The following JMJD1C variants were observed in gnomAD, a reference collection of about 807,000 sequenced individuals.
JMJD1C encodes jumonji domain-containing protein 1C.
Under a neutral mutation model 245.3 loss-of-function variants are expected in JMJD1C, and 31 were observed. The observed-to-expected ratio is 0.13, with a 90% confidence interval of 0.09 to 0.17. The LOEUF (loss-of-function observed/expected upper bound fraction) is 0.17. Ranked by LOEUF, JMJD1C falls within the 10% of genes least tolerant of loss-of-function variation. The pLI, the probability that JMJD1C is intolerant of heterozygous loss-of-function variation, is 1.00. For synonymous variants in JMJD1C, 1,057 were observed against 1,017.4 expected (o/e 1.04, Z -0.74); for missense variants, 2,691 against 3,000.2 (o/e 0.90, Z 2.41).
chr10:63,380,132 T>A, intron 2 of JMJD1C, 186 bp downstream of exon 2: 2 of 477,260 alleles, frequency 4.2e-6, no homozygotes, highest in South Asian at 2.7e-5. Flanking sequence ...TTGGTAGAGA[T>A]GGGGTCTCGC....
At chr10:63,475,038 T>C (rs1052681531) in intron 1 of JMJD1C, among the ~76,000 whole-genome samples, 2 of 152,188 alleles carry the variant, frequency 1.3e-5, no homozygotes, top group Non-Finnish European at 2.9e-5. Flanking sequence ...CTTCATCATA[T>C]AGTGATGGTT....
chr10:63,274,480 G>A (rs1031103977), intron 2 of JMJD1C, among the ~76,000 whole-genome samples: 3 of 152,038 alleles, frequency 2.0e-5, no homozygotes, highest in Non-Finnish European at 2.9e-5. Context: ...TGGGAGGATC[G>A]CTTCAGCCCA....
chr10:63,351,134 A>C (rs1245267681), intron 2 of JMJD1C, among the ~76,000 whole-genome samples: 1 of 147,192 alleles, frequency 6.8e-6, no homozygotes. Flanking sequence ...GCTGGAATGC[A>C]GTGGTGAGAT....
At chr10:63,472,917 T>C (rs1259321130) in intron 1 of JMJD1C, among the ~76,000 whole-genome samples, 1 of 151,942 alleles carries the variant, frequency 6.6e-6, no homozygotes, top group Admixed American at 6.6e-5. Flanking sequence ...CCCGAGTAGG[T>C]GGGACTACAG....
intron 1 of JMJD1C, chr10:63,465,221 G>C (rs777998733): frequency 1.5e-5 from 6 of 396,640 alleles, no homozygotes; most frequent in Non-Finnish European, 2.7e-5. Flanking sequence ...GCCACAGCGG[G>C]GAGCCGCGGT....
chr10:63,444,125 T>G (rs2132951336), intron 1 of JMJD1C, among the ~76,000 whole-genome samples: 1 of 152,308 alleles, frequency 6.6e-6, no homozygotes, highest in East Asian at 1.9e-4. Context: ...TTCATAACAG[T>G]AAGTGACTGA....
At chr10:63,329,895 GT>G (rs1017007378) in intron 2 of JMJD1C, among the ~76,000 whole-genome samples, 1 of 152,016 alleles carries the variant, frequency 6.6e-6, no homozygotes, top group African/African-American at 2.4e-5. Context: ...TCCTGAGCAT[GT>G]TTTTTTGTTT....
intron 2 of JMJD1C, among the ~76,000 whole-genome samples, chr10:63,288,258 T>C (rs1858214434): frequency 6.6e-6 from 1 of 152,208 alleles, no homozygotes; most frequent in Admixed American, 6.5e-5. Flanking sequence ...CTATGTAGCC[T>C]TTTCAGATTG....
chr10:63,519,487 T>C (rs1310379024), intron 1 of JMJD1C, among the ~76,000 whole-genome samples: 1 of 152,190 alleles, frequency 6.6e-6, no homozygotes, highest in East Asian at 1.9e-4. Flanking sequence ...GGCTAGATAG[T>C]TGGAAAACAC....
chr10:63,444,701 C>T (rs1276654976), intron 1 of JMJD1C, among the ~76,000 whole-genome samples: 1 of 150,328 alleles, frequency 6.7e-6, no homozygotes. Flanking sequence ...TCTCAGCTCA[C>T]TGCAACCTCC....
At chr10:63,389,330 A>AAAAAG (rs1947868409) in intron 1 of JMJD1C, among the ~76,000 whole-genome samples, 1 of 146,572 alleles carries the variant, frequency 6.8e-6, no homozygotes, top group Admixed American at 6.8e-5. Flanking sequence ...AAAAAAAAAG[A>AAAAAG]AAAAGAAAAA....
At chr10:63,203,196 C>G in intron 10 of JMJD1C, 2 of 984,688 alleles carry the variant, frequency 2.0e-6, no homozygotes, top group Non-Finnish European at 2.4e-6. Flanking sequence ...GCAACTAACT[C>G]CTTTTATGAA....
At chr10:63,476,926 G>A (rs562726764) in intron 1 of JMJD1C, among the ~76,000 whole-genome samples, 1 of 152,210 alleles carries the variant, frequency 6.6e-6, no homozygotes, top group South Asian at 2.1e-4. Context: ...AAAGGAATGA[G>A]AGGGGTGACA....
Position 63,189,425 on chromosome 10 carries a change from T to G in JMJD1C, c.6313A>C (p.Met2105Leu), listed in dbSNP as rs773164099. 1.2e-6 allele frequency: 2 copies of G among 1,612,796 alleles called. No individual in the cohort carries two copies. Among genetic ancestry groups the G allele is most frequent in the Non-Finnish European group, 1.7e-6 (2 of 1,179,602 alleles). Residue 2105 changes from methionine (M) to leucine (L), a missense_variant, in exon 18 of 26, where the codon ATG becomes CTG. Met to Leu is a conservative substitution (Grantham distance 15). Transcript: ENST00000399262. ...ATTATGTCATCAAGAATGTTAGGCA[T>G]AGTCCGTCCACTTTTGCTACTCTAT... ...GAPSSKSGRT[M>L]PNILDDIIAS... is the part of the protein sequence containing the mutation.
At chr10:63,357,822 GACAGACACACAC>G (rs1479881619) in intron 2 of JMJD1C, among the ~76,000 whole-genome samples, 2 of 70,758 alleles carry the variant, frequency 2.8e-5, no homozygotes, top group Non-Finnish European at 2.9e-5. Context: ...GACACAGACA[GACAGACACACAC>G]ACACACACAC....
upstream of JMJD1C, among the ~76,000 whole-genome samples, chr10:63,466,844 T>C (rs1249076638): frequency 6.6e-6 from 1 of 152,214 alleles, no homozygotes; most frequent in Non-Finnish European, 1.5e-5. Flanking sequence ...CAAAGATCTC[T>C]AACTTGGAAC....
intron 2 of JMJD1C, among the ~76,000 whole-genome samples, chr10:63,342,775 T>C (rs780229322): frequency 6.6e-6 from 1 of 152,230 alleles, no homozygotes; most frequent in Non-Finnish European, 1.5e-5. Flanking sequence ...GATTCAAAAA[T>C]GGTGATAACC....
At chr10:63,512,111 A>C (rs953867310) in intron 1 of JMJD1C, among the ~76,000 whole-genome samples, 2 of 152,198 alleles carry the variant, frequency 1.3e-5, no homozygotes, top group Admixed American at 1.3e-4. Context: ...CATTTCACTT[A>C]TACCTAAGTA....
rs550549928 is a variant in JMJD1C, at chr10:63,237,135, T to C, written c.448-17152A>G. On this transcript the variant is annotated intron_variant, in intron 3 of 25. Transcript: ENST00000399262. ...CCACTGCAACCTCCGCTTCCCAGGT[T>C]CAAGTGATTCTCCTGCCTCAGCCTC... Among the ~76,000 whole-genome samples, 8 of 152,262 alleles carry C rather than the reference T, an allele frequency of 5.3e-5. No homozygotes were observed. In the East Asian group the frequency reaches 9.7e-4, roughly 18 times the overall value.
Sources: gnomAD v4.1 joint callset for allele counts (sites outside exome capture counted in the v4.1 genomes callset) on GRCh38, gnomAD v4.1.1 for gene constraint, MANE v1.5 for transcripts, NCBI Gene and HGNC (gene_info 2026-07-23, HGNC 2026-07-21) for gene names.